Variants in LNPK observed in about 807,000 individuals in gnomAD.
LNPK encodes the protein lunapark, ER junction formation factor, also known as endoplasmic reticulum junction formation protein lunapark.
LNPK carries 29 observed loss-of-function variants against 55.2 expected under a neutral mutation model. The observed-to-expected ratio is 0.53, with a 90% CI of 0.39 to 0.72. LNPK has a LOEUF of 0.72. LNPK is among the 30% of genes least tolerant of loss of function. The pLI is 0.00. For synonymous variants in LNPK, 162 were observed against 168.2 expected (o/e 0.96, Z 0.29); for missense variants, 467 against 494.8 (o/e 0.94, Z 0.53).
chr2:175,960,482 G>T (rs1258342795), intron 8 of LNPK, among the ~76,000 whole-genome samples: 1 of 152,114 alleles, frequency 6.6e-6, no homozygotes, highest in Non-Finnish European at 1.5e-5. Flanking sequence ...CAAAATGAAG[G>T]CAGAAATAAA....
At chr2:175,968,181 T>A (rs1686468826) in intron 6 of LNPK, among the ~76,000 whole-genome samples, 1 of 152,184 alleles carries the variant, frequency 6.6e-6, no homozygotes, top group African/African-American at 2.4e-5. Flanking sequence ...AATTTCTTGC[T>A]CTTGCCTTCA....
chr2:175,998,747 T>C (rs1688054158), intron 1 of LNPK, among the ~76,000 whole-genome samples: 1 of 152,204 alleles, frequency 6.6e-6, no homozygotes, highest in South Asian at 2.1e-4. Context: ...CATTTGAGTG[T>C]TTAAATCTGC....
intron 8 of LNPK, among the ~76,000 whole-genome samples, chr2:175,961,628 TTTG>T (rs1261314849): frequency 3.3e-5 from 5 of 152,190 alleles, no homozygotes; most frequent in Admixed American, 1.3e-4. Flanking sequence ...AAGCATTCCC[TTTG>T]AAAACTGGCA....
At chr2:175,982,815 A>T (rs1687233833) in intron 4 of LNPK, among the ~76,000 whole-genome samples, 3 of 152,236 alleles carry the variant, frequency 2.0e-5, no homozygotes, top group African/African-American at 7.2e-5. Context: ...AAATATAGCA[A>T]CATATTTTGT....
intron 1 of LNPK, among the ~76,000 whole-genome samples, chr2:175,998,247 G>A (rs983596002): frequency 1.3e-5 from 2 of 151,948 alleles, no homozygotes; most frequent in African/African-American, 4.8e-5. Context: ...TTCAAGACCA[G>A]CCTGGCCAAG....
chr2:175,951,868 C>T (rs1323011899), intron 8 of LNPK, among the ~76,000 whole-genome samples: 2 of 151,762 alleles, frequency 1.3e-5, no homozygotes, highest in East Asian at 3.9e-4. Flanking sequence ...TAGAAGTGTT[C>T]CCTGTTCACC....
chr2:175,925,657 TTTTC>T lies in LNPK; in HGVS notation c.*4306_*4309del, dbSNP rs1453560122. 36 of 153,118 alleles carry T rather than the reference TTTTC, an allele frequency of 2.4e-4. No individual in the cohort carries two copies. The highest frequency in any genetic ancestry group is 1.3e-3 in the South Asian group (6 of 4,618). The allele number at this position is 153,118 out of a possible 1,614,324, so 9.5% of individuals were successfully genotyped here. ...TCTAAGCAATGGCGTGGCAGATTCA[TTTTC>T]TTTCTTTCTTTTTTTTTTTTGAGAT... On this transcript the variant is annotated 3_prime_UTR_variant, in exon 13 of 13. Transcript: ENST00000272748.
intron 12 of LNPK, 41 bp downstream of exon 12, chr2:175,937,303 C>T (rs369707460): frequency 6.4e-6 from 10 of 1,558,354 alleles, no homozygotes; most frequent in Non-Finnish European, 7.9e-6. Context: ...TGTTAAATAA[C>T]ACATGTTATT....
rs147531692 is a variant in LNPK, at chr2:175,929,783, C to G, written c.*184G>C. ...AAAGGATCTTACTTCACTGATATAA[C>G]TTGCTTTTAATTTTAATACCCAGTA... On this transcript the variant is annotated 3_prime_UTR_variant, in exon 13 of 13. Coordinates refer to ENST00000272748, the MANE Select transcript of LNPK (RefSeq NM_030650.3). 7.0e-7 allele frequency: 1 copy of G among 1,423,080 alleles called. No individual in the cohort carries two copies. The highest frequency in any genetic ancestry group is 2.5e-5 in the East Asian group (1 of 39,732). The allele number at this position is 1,423,080 out of a possible 1,614,324, so 88.2% of individuals were successfully genotyped here. A position where few individuals can be genotyped will look rare whatever the true frequency, so the allele number is the denominator to read the frequency against.
chr2:175,999,169 G>A (rs1278304828), intron 1 of LNPK, among the ~76,000 whole-genome samples: 1 of 152,132 alleles, frequency 6.6e-6, no homozygotes, highest in Admixed American at 6.5e-5. Context: ...ATATGTAATA[G>A]GTGGTACTTT....
chr2:176,002,166 G>T lies in LNPK; in HGVS notation c.-69C>A. On this transcript the variant is annotated 5_prime_UTR_variant, in exon 1 of 13. Coordinates refer to ENST00000272748, the MANE Select transcript of LNPK (RefSeq NM_030650.3). Reference sequence around the variant, plus strand: ...CTCGCCTTGAGCGTTCTACCTGCAAGAAGCGGGCGCAGCCCGGCCCGGGCG... The same window carrying T: ...CTCGCCTTGAGCGTTCTACCTGCAATAAGCGGGCGCAGCCCGGCCCGGGCG... 2.2e-6 allele frequency: 1 copy of T among 445,452 alleles called. No individual in the cohort carries two copies. The highest frequency in any genetic ancestry group is 1.6e-5 in the South Asian group (1 of 63,374). The allele number at this position is 445,452 out of a possible 1,614,324, so 27.6% of individuals were successfully genotyped here. A position where few individuals can be genotyped will look rare whatever the true frequency, so the allele number is the denominator to read the frequency against.
Position 175,969,910 on chromosome 2 carries a change from TA to T in LNPK, c.357+853del, listed in dbSNP as rs1686573595. Reference sequence around the variant, plus strand: ...ACTTAAAGCCCTTAAAACCAGTATCTATTATCATCAATTCACAGAATAATTT... The same window carrying T: ...ACTTAAAGCCCTTAAAACCAGTATCTTTATCATCAATTCACAGAATAATTT... On this transcript the variant is annotated intron_variant, in intron 6 of 12. Transcript: ENST00000272748. 5.9e-5 allele frequency among the ~76,000 whole-genome samples: 9 copies of T among 152,194 alleles called. No homozygotes were observed. In the South Asian group the frequency reaches 1.9e-3, roughly 31 times the overall value.
In LNPK at chr2:175,993,237, A is replaced by G. The variant is rs1235488671; in HGVS notation, c.28-14T>C. The G allele has an allele frequency of 6.6e-7, 1 of 1,508,068 alleles. No individual in the cohort carries two copies. Among genetic ancestry groups the G allele is most frequent in the Middle Eastern group, 1.7e-4 (1 of 5,778 alleles). 93.4% of individuals were successfully genotyped at this position (1,508,068 alleles called of 1,614,324 possible). ...TGAAGGTTTTGTCTGTTATACAAACAGAAACAAGAGACAGCATTAAAACTT... is the reference window on the plus strand; with the variant it reads ...TGAAGGTTTTGTCTGTTATACAAACGGAAACAAGAGACAGCATTAAAACTT... On this transcript the variant is annotated splice_polypyrimidine_tract_variant and intron_variant, in intron 2 of 12. Transcript: ENST00000272748.
chr2:175,973,399 G>C lies in LNPK; in HGVS notation c.317-2595C>G, dbSNP rs143811498. ...TGGTTAAGTCCATGAGAGCAATGAAGTTCCCTTTGGCCCTACAAAATGACA... is the reference window on the plus strand; with the variant it reads ...TGGTTAAGTCCATGAGAGCAATGAACTTCCCTTTGGCCCTACAAAATGACA... On this transcript the variant is annotated intron_variant, in intron 5 of 12. Transcript: ENST00000272748. Among the ~76,000 whole-genome samples, 24 of 152,246 alleles carry C rather than the reference G, an allele frequency of 1.6e-4. No homozygotes were observed. In the East Asian group the frequency reaches 4.4e-3, roughly 28 times the overall value.
In LNPK at chr2:175,927,817, A is replaced by G. The variant is rs1684078473; in HGVS notation, c.*2150T>C. On this transcript the variant is annotated 3_prime_UTR_variant, in exon 13 of 13. Coordinates refer to ENST00000272748, the MANE Select transcript of LNPK (RefSeq NM_030650.3). The stretch of plus-strand genomic sequence containing the variant: ...ATGAAAATAAGCTTTTGTATCTAAA[A>G]GGATACTATATGGTTACAAACATGT... 6.6e-6 allele frequency: 1 copy of G among 152,180 alleles called. No individual in the cohort carries two copies. Among genetic ancestry groups the G allele is most frequent in the African/African-American group, 2.4e-5 (1 of 41,452 alleles). 9.4% of individuals were successfully genotyped at this position (152,180 alleles called of 1,614,324 possible). A position where few individuals can be genotyped will look rare whatever the true frequency, so the allele number is the denominator to read the frequency against.
At position 175,926,289 on chromosome 2, in the gene LNPK, T is replaced by C. The variant is rs1684004820; in HGVS notation, c.*3678A>G. ...GAAGGTGGAGCCTAATGGAGATGTT[T>C]AGGTCATGAGGGTGAAGCCCTCATG... is the stretch of plus-strand genomic sequence containing the variant. On this transcript the variant is annotated 3_prime_UTR_variant, in exon 13 of 13. Transcript: ENST00000272748. The C allele has an allele frequency of 6.6e-6, 1 of 152,204 alleles. No homozygotes were observed. Among genetic ancestry groups the C allele is most frequent in the African/African-American group, 2.4e-5 (1 of 41,454 alleles). 9.4% of individuals were successfully genotyped at this position (152,204 alleles called of 1,614,324 possible).
chr2:175,959,167 T>C (rs1685870483), intron 8 of LNPK, among the ~76,000 whole-genome samples: 1 of 152,162 alleles, frequency 6.6e-6, no homozygotes, highest in Non-Finnish European at 1.5e-5. Context: ...AGGAGAACTT[T>C]CCCAACCTAG....
chr2:175,934,238 A>G (rs1280014671), intron 12 of LNPK, among the ~76,000 whole-genome samples: 1 of 152,206 alleles, frequency 6.6e-6, no homozygotes. Flanking sequence ...ATACAACAAA[A>G]TTTACATTAT....
rs1371544462 is a variant in LNPK, at chr2:175,924,435, C to T, written c.*5532G>A. On this transcript the variant is annotated 3_prime_UTR_variant, in exon 13 of 13. Transcript: ENST00000272748. ...GCTGTCCACTGGAAATAAAAGTAGA[C>T]TTATAAGGTCTTATTTTTTAAATGA... 6.6e-6 allele frequency: 1 copy of T among 152,098 alleles called. No homozygotes were observed. The highest frequency in any genetic ancestry group is 1.5e-5 in the Non-Finnish European group (1 of 68,010). 9.4% of individuals were successfully genotyped at this position (152,098 alleles called of 1,614,324 possible). A position where few individuals can be genotyped will look rare whatever the true frequency, so the allele number is the denominator to read the frequency against.
Sources: allele counts gnomAD v4.1 joint callset (sites outside exome capture counted in the v4.1 genomes callset), GRCh38; gene constraint gnomAD v4.1.1; transcripts MANE v1.5; gene names NCBI Gene and HGNC (gene_info 2026-07-23, HGNC 2026-07-21).